DNAH12: variants seen among roughly 807,000 people sequenced by gnomAD.
The protein encoded by DNAH12 is dynein axonemal heavy chain 12, also known as axonemal beta dynein heavy chain 12.
Under a neutral mutation model 371.5 loss-of-function variants are expected in DNAH12, and 285 were observed. The ratio of observed to expected loss-of-function variants is 0.77; its 90% CI spans 0.70 to 0.85. The LOEUF (loss-of-function observed/expected upper bound fraction) is 0.85. DNAH12 is among the 40% of genes least tolerant of loss of function. The pLI is 0.00. For synonymous variants in DNAH12, 1,200 were observed against 1,213.0 expected (o/e 0.99, Z 0.22); for missense variants, 3,611 against 3,689.4 (o/e 0.98, Z 0.55).
intron 15 of DNAH12, 125 bp downstream of exon 15, chr3:57,471,347 A>G (rs2066360789): frequency 1.3e-6 from 1 of 757,434 alleles, no homozygotes; most frequent in Non-Finnish European, 1.8e-6. Flanking sequence ...TGTAATATAT[A>G]GAAAAATATA....
At position 57,499,673 on chromosome 3, in the gene DNAH12, T is replaced by TAC. The variant is rs1553711698; in HGVS notation, c.1335+1647_1335+1648insGT. On this transcript the variant is annotated intron_variant, in intron 11 of 73. Transcript: ENST00000495027. ...ATATATATATATATATATATATATATATACTTCTTAAAAAAATTAGCCAGG... is the reference window on the plus strand; with the variant it reads ...ATATATATATATATATATATATATATACATACTTCTTAAAAAAATTAGCCAGG... Among the ~76,000 whole-genome samples, 100 of 44,454 alleles carry TAC rather than the reference T, an allele frequency of 2.2e-3. 11 individuals carry two copies. Among genetic ancestry groups the TAC allele is most frequent in the African/African-American group, 7.8e-3 (88 of 11,230 alleles). The allele number at this position is 44,454 out of a possible 152,430, so 29.2% of individuals were successfully genotyped here.
Position 57,323,523 on chromosome 3 carries a change from T to G in DNAH12, c.10075A>C (p.Asn3359His). Residue 3359 changes from asparagine (N) to histidine (H), a missense_variant, in exon 63 of 74, where the codon AAT (asparagine) becomes CAT (histidine). Physicochemically the swap from Asn to His is moderately conservative, Grantham distance 68. Around this residue, in one of 3 missense-constraint regions of DNAH12, gnomAD observed 2,266 missense variants for 2,236.9 expected, o/e 1.01. Coordinates refer to ENST00000495027, the MANE Select transcript of DNAH12 (RefSeq NM_001366028.2). ...ACAAAAATTAAGGGAATGGTGCAAT[T>G]TGAATCCAAGTAACTCTTTGTCAAA... Reference protein sequence around the residue: ...FDLTKSYLDSNCTIPLIFVLS... With the variant: ...FDLTKSYLDSHCTIPLIFVLS... 6.4e-7 allele frequency: 1 copy of G among 1,550,972 alleles called. No individual in the cohort carries two copies. The highest frequency in any genetic ancestry group is 8.7e-7 in the Non-Finnish European group (1 of 1,146,818).
intron 39 of DNAH12, among the ~76,000 whole-genome samples, chr3:57,411,616 G>A (rs1371428260): frequency 1.3e-5 from 2 of 150,394 alleles, no homozygotes; most frequent in Admixed American, 1.3e-4. Flanking sequence ...AATACTTAGG[G>A]ATATATCTAA....
chr3:57,330,717 TA>T (rs36091572), intron 62 of DNAH12, among the ~76,000 whole-genome samples: 45,413 of 133,688 alleles, frequency 0.34, 7,627 homozygotes, highest in African/African-American at 0.47. Flanking sequence ...GTATAATAAT[TA>T]AAAAAAAAAA....
chr3:57,439,474 A>G (rs1478753479), intron 29 of DNAH12, among the ~76,000 whole-genome samples: 1 of 152,220 alleles, frequency 6.6e-6, no homozygotes, highest in East Asian at 1.9e-4. Context: ...CCATAGTGCT[A>G]GGATGGCTTG....
chr3:57,407,111 A>C (rs994367524), intron 40 of DNAH12, among the ~76,000 whole-genome samples: 12 of 151,874 alleles, frequency 7.9e-5, no homozygotes, highest in East Asian at 3.9e-4. Context: ...GTTGGCCAGG[A>C]TGGTCTCAAT....
At chr3:57,381,832 T>A (rs1263297507) in intron 50 of DNAH12, among the ~76,000 whole-genome samples, 1 of 151,956 alleles carries the variant, frequency 6.6e-6, no homozygotes, top group Non-Finnish European at 1.5e-5. Flanking sequence ...GAATTCTGCA[T>A]AGACAGAAAA....
At chr3:57,419,262 C>G in intron 37 of DNAH12, 105 bp downstream of exon 37, 1 of 1,157,550 alleles carries the variant, frequency 8.6e-7, no homozygotes, top group Non-Finnish European at 1.2e-6. Flanking sequence ...CCCAGGATTT[C>G]AGTTACCTGA....
In DNAH12 at chr3:57,378,783, T is replaced by TA. The variant is rs1272230496; in HGVS notation, c.8223+374dup. ...GCCTCTTAACTCTGCTGGATCCTCT[T>TA]ACTTCTGATCCTTTGAATCAACTTT... On this transcript the variant is annotated intron_variant, in intron 52 of 73. Coordinates refer to ENST00000495027, the MANE Select transcript of DNAH12 (RefSeq NM_001366028.2). Among the ~76,000 whole-genome samples the TA allele has an allele frequency of 8.9e-3, 1,359 of 152,324 alleles. 10 individuals are homozygous for TA. Among genetic ancestry groups the TA allele is most frequent in the African/African-American group, 0.031 (1,290 of 41,578 alleles).
intron 8 of DNAH12, among the ~76,000 whole-genome samples, chr3:57,505,327 T>C (rs1282479802): frequency 6.7e-6 from 1 of 148,914 alleles, no homozygotes; most frequent in East Asian, 2.0e-4. Flanking sequence ...AGTTCAACTG[T>C]TTTAATTTTT....
chr3:57,304,958 T>C (rs1314421797), intron 69 of DNAH12, among the ~76,000 whole-genome samples: 2 of 151,912 alleles, frequency 1.3e-5, no homozygotes, highest in Non-Finnish European at 2.9e-5. Context: ...TCCTCCTTTT[T>C]CTCCCTTAGC....
At chr3:57,481,336 T>C (rs1182808805) in intron 13 of DNAH12, among the ~76,000 whole-genome samples, 1 of 152,024 alleles carries the variant, frequency 6.6e-6, no homozygotes, top group Non-Finnish European at 1.5e-5. Flanking sequence ...TCAAAGAGAA[T>C]AAAACACCTA....
rs770203006 is a variant in DNAH12 at position 57,502,311 on chromosome 3, T to C, written c.1243+12A>G. 5.0e-6 allele frequency: 8 copies of C among 1,613,542 alleles called. 1 individual carries two copies. In the Admixed American group the frequency reaches 8.3e-5, roughly 17 times the overall value. On this transcript the variant is annotated intron_variant, in intron 10 of 73. Coordinates refer to ENST00000495027, the MANE Select transcript of DNAH12 (RefSeq NM_001366028.2). Reference sequence around the variant, plus strand: ...ATGACAAATGGTATAATATTATGTATGTCATACACACCATATGTCTCATAA... The same window carrying C: ...ATGACAAATGGTATAATATTATGTACGTCATACACACCATATGTCTCATAA...
chr3:57,546,932 G>C (rs1043864667), upstream of DNAH12, among the ~76,000 whole-genome samples: 1 of 152,072 alleles, frequency 6.6e-6, no homozygotes, highest in African/African-American at 2.4e-5. Flanking sequence ...CAGACTTCTT[G>C]AGGGAGTTTG....
chr3:57,503,960 T>A, intron 9 of DNAH12, 56 bp downstream of exon 9: 7 of 1,422,234 alleles, frequency 4.9e-6, no homozygotes, highest in Non-Finnish European at 6.8e-6. Flanking sequence ...ATACACTGCA[T>A]AGAGATTCAA....
At chr3:57,505,131 C>T (rs759105393) in intron 8 of DNAH12, among the ~76,000 whole-genome samples, 3 of 152,040 alleles carry the variant, frequency 2.0e-5, no homozygotes, top group Admixed American at 6.5e-5. Flanking sequence ...TCAAGTGACC[C>T]GCCTGCTTTG....
rs778854574 is a variant in DNAH12 at position 57,402,729 on chromosome 3, C to T, written c.6948+580G>A. On this transcript the variant is annotated intron_variant, in intron 43 of 73. Coordinates refer to ENST00000495027, the MANE Select transcript of DNAH12 (RefSeq NM_001366028.2). ...ATAAAGAGAAGCAGCTCAATGGGTA[C>T]GAACATGCAGTTAGAAGAAGTTCCA... Among the ~76,000 whole-genome samples, 4 of 152,106 alleles carry T rather than the reference C, an allele frequency of 2.6e-5. No individual in the cohort carries two copies. The South Asian group carries it at 8.3e-4, about 32-fold the overall frequency.
intron 13 of DNAH12, among the ~76,000 whole-genome samples, chr3:57,476,791 T>G (rs907285638): frequency 6.6e-6 from 1 of 152,146 alleles, no homozygotes. Context: ...AAGAGTAAAA[T>G]ATAGGTAAAT....
At position 57,377,061 on chromosome 3, in the gene DNAH12, T is replaced by C. The variant is rs2063295231; in HGVS notation, c.8385A>G (p.Leu2795=). The part of the protein sequence containing the change: ...FLEKTEEKAA[L]EDQVELCAKK... Reference sequence around the variant, plus strand: ...TAGCACAGAGTTCCACCTGGTCTTCTAAAGCAGCCTTTTCCTCTGTTTTCT... The same window carrying C: ...TAGCACAGAGTTCCACCTGGTCTTCCAAAGCAGCCTTTTCCTCTGTTTTCT... The change falls in exon 53 of 74, where the codon TTA becomes TTG. Residue 2795 remains leucine, a synonymous_variant. Transcript: ENST00000495027. The C allele has an allele frequency of 6.6e-6, 1 of 152,182 alleles. No individual in the cohort carries two copies. The highest frequency in any genetic ancestry group is 2.4e-5 in the African/African-American group (1 of 41,458). The allele number at this position is 152,182 out of a possible 1,614,324, so 9.4% of individuals were successfully genotyped here. A position where few individuals can be genotyped will look rare whatever the true frequency, so the allele number is the denominator to read the frequency against.
Sources: gnomAD v4.1 joint callset for allele counts (sites outside exome capture counted in the v4.1 genomes callset) on GRCh38, gnomAD v4.1.1 for gene constraint, gnomAD v4.1.1 regional missense constraint, MANE v1.5 for transcripts, NCBI Gene and HGNC (gene_info 2026-07-23, HGNC 2026-07-21) for gene names.